The following AFF2 variants were observed in gnomAD, a reference collection of about 807,000 sequenced individuals.
The protein encoded by AFF2 is AF4/FMR2 family member 2.
A neutral mutation model predicts 76.9 loss-of-function variants in AFF2; 14 were observed. The ratio of observed to expected loss-of-function variants is 0.18; its 90% CI spans 0.12 to 0.28. The LOEUF is 0.28. AFF2 is among the 10% of genes least tolerant of loss of function. AFF2 has a pLI of 1.00. For synonymous variants in AFF2, 398 were observed against 366.7 expected, an observed-to-expected ratio of 1.09 and a Z score of -0.98; for missense variants, 868 against 1,001.1, an observed-to-expected ratio of 0.87 and a Z score of 1.79.
intron 9 of AFF2, among the ~76,000 whole-genome samples, chrX:148,929,569 C>T (rs1157967239): frequency 8.9e-6 from 1 of 111,883 alleles, no homozygotes; most frequent in East Asian, 2.8e-4. Context: ...TTCTTGTCAT[C>T]GGTCTATGTA....
At chrX:148,579,249 A>G (rs1337349366) in intron 1 of AFF2, among the ~76,000 whole-genome samples, 1 of 111,901 alleles carries the variant, frequency 8.9e-6, no homozygotes, top group Non-Finnish European at 1.9e-5. Flanking sequence ...CTGAAAACCC[A>G]CGTATGTCTG....
chrX:148,892,102 T>C (rs782454677), intron 8 of AFF2, among the ~76,000 whole-genome samples: 5 of 111,588 alleles, frequency 4.5e-5, no homozygotes, highest in Admixed American at 2.9e-4. Flanking sequence ...GGGCATGTGA[T>C]TGTGAGTAGC....
chrX:148,967,719 G>C, intron 15 of AFF2, 27 bp downstream of exon 15: 1 of 1,178,590 alleles, frequency 8.5e-7, no homozygotes, highest in Non-Finnish European at 1.1e-6. Context: ...TCATTGCTTT[G>C]TTCCTATTAA....
At chrX:148,584,830 C>T (rs782526208) in intron 1 of AFF2, among the ~76,000 whole-genome samples, 2 of 111,284 alleles carry the variant, frequency 1.8e-5, no homozygotes, top group Non-Finnish European at 3.8e-5. Flanking sequence ...TGAGCCACCA[C>T]GCCTGGCTGA....
intron 3 of AFF2, among the ~76,000 whole-genome samples, chrX:148,793,701 G>A (rs1266946774): frequency 5.4e-5 from 6 of 112,001 alleles, no homozygotes; most frequent in African/African-American, 1.9e-4. Flanking sequence ...ACAGGACTTG[G>A]ATTGATCAGA....
At chrX:148,651,420 C>G (rs1305054281) in intron 1 of AFF2, among the ~76,000 whole-genome samples, 1 of 111,932 alleles carries the variant, frequency 8.9e-6, no homozygotes, top group Non-Finnish European at 1.9e-5. Flanking sequence ...GTGAGAAGAC[C>G]AACACCACAA....
At chrX:148,651,918 T>C (rs1181109741) in intron 1 of AFF2, 81 bp from the exon 2 acceptor site, 6 of 974,658 alleles carry the variant, frequency 6.2e-6, no homozygotes, top group Non-Finnish European at 8.3e-6. Context: ...TTTTTTCTTA[T>C]TATTGACAGC....
At chrX:148,945,730 A>G (rs2071892662) in intron 9 of AFF2, among the ~76,000 whole-genome samples, 1 of 112,224 alleles carries the variant, frequency 8.9e-6, no homozygotes, top group Admixed American at 9.4e-5. Flanking sequence ...AACCTATGTG[A>G]TATATTATCC....
intron 7 of AFF2, among the ~76,000 whole-genome samples, chrX:148,878,886 A>G (rs1396931676): frequency 3.6e-5 from 4 of 112,497 alleles, no homozygotes; most frequent in African/African-American, 1.3e-4. Flanking sequence ...TTGCATGATA[A>G]CTTGAGTTCC....
At chrX:148,623,544 G>A (rs2053891422) in intron 1 of AFF2, among the ~76,000 whole-genome samples, 1 of 107,713 alleles carries the variant, frequency 9.3e-6, no homozygotes, top group Non-Finnish European at 1.9e-5. Flanking sequence ...TATTTTATGT[G>A]AATGTATTAT....
At chrX:148,829,801 C>A (rs958607754) in intron 4 of AFF2, among the ~76,000 whole-genome samples, 6 of 111,916 alleles carry the variant, frequency 5.4e-5, no homozygotes, top group Admixed American at 9.5e-5. Context: ...CCTTCTAAGA[C>A]AGTAGGCTCC....
rs782603120 is a variant in AFF2, at chrX:148,587,728, C to G, written c.48-64271C>G. On this transcript the variant is annotated intron_variant, in intron 1 of 20. Transcript: ENST00000370460. Reference sequence around the variant, plus strand: ...TCAGCCTGGCCCTAAAGTACCCTTACAAATGAGACAGAAAATCCAGAGTTA... The same window carrying G: ...TCAGCCTGGCCCTAAAGTACCCTTAGAAATGAGACAGAAAATCCAGAGTTA... 2.7e-4 allele frequency among the ~76,000 whole-genome samples: 30 copies of G among 112,363 alleles called. No homozygotes were observed. In the East Asian group the frequency reaches 7.6e-3, roughly 28 times the overall value.
chrX:148,632,183 G>T (rs782605525), intron 1 of AFF2, among the ~76,000 whole-genome samples: 1 of 111,816 alleles, frequency 8.9e-6, no homozygotes, highest in Non-Finnish European at 1.9e-5. Flanking sequence ...TTTCTTTGAC[G>T]TTAAGCCAAA....
At chrX:148,873,110 AT>A (rs1286377211) in intron 7 of AFF2, among the ~76,000 whole-genome samples, 1 of 111,471 alleles carries the variant, frequency 9.0e-6, no homozygotes, top group Non-Finnish European at 1.9e-5. Flanking sequence ...GGGACAGGTG[AT>A]TTATACTGTT....
chrX:148,830,379 G>A (rs1411967200), intron 4 of AFF2, among the ~76,000 whole-genome samples: 1 of 112,241 alleles, frequency 8.9e-6, no homozygotes, highest in Non-Finnish European at 1.9e-5. Context: ...ATCACATCCA[G>A]CCCCCTGAAT....
intron 1 of AFF2, among the ~76,000 whole-genome samples, chrX:148,590,171 T>C (rs1324558598): frequency 9.2e-6 from 1 of 108,167 alleles, no homozygotes; most frequent in Non-Finnish European, 1.9e-5. Context: ...GCTGGCAGTG[T>C]GAACACAGAG....
chrX:148,716,511 T>C (rs782372867), intron 3 of AFF2, among the ~76,000 whole-genome samples: 3 of 111,525 alleles, frequency 2.7e-5, no homozygotes, highest in Admixed American at 9.5e-5. Context: ...TCTAGATTAG[T>C]CATTATTGGT....
intron 7 of AFF2, among the ~76,000 whole-genome samples, chrX:148,852,802 G>A (rs1372641466): frequency 2.7e-5 from 3 of 112,005 alleles, no homozygotes; most frequent in African/African-American, 9.7e-5. Flanking sequence ...CAAGGGCTCA[G>A]AGAGAATGCC....
chrX:148,805,308 C>CT (rs1206140110), intron 3 of AFF2, among the ~76,000 whole-genome samples: 3 of 111,513 alleles, frequency 2.7e-5, no homozygotes, highest in Non-Finnish European at 5.6e-5. Flanking sequence ...TATGCCTAGA[C>CT]TAGTGGACTA....
Sources: allele counts gnomAD v4.1 joint callset (sites outside exome capture counted in the v4.1 genomes callset), GRCh38; gene constraint gnomAD v4.1.1; transcripts MANE v1.5; gene names NCBI Gene and HGNC (gene_info 2026-07-23, HGNC 2026-07-21).